The following NDUFAF5 variants were observed in gnomAD, a reference collection of about 807,000 sequenced individuals.
NDUFAF5 encodes the protein arginine-hydroxylase NDUFAF5, mitochondrial.
Under a neutral mutation model 48.9 loss-of-function variants are expected in NDUFAF5, and 34 were observed. That is an observed-to-expected ratio of 0.70 (90% CI 0.53 to 0.93). The LOEUF (loss-of-function observed/expected upper bound fraction) is 0.93. NDUFAF5 is among the 40% of genes least tolerant of loss of function. The pLI, the probability that NDUFAF5 is intolerant of heterozygous loss-of-function variation, is 0.00. For synonymous variants in NDUFAF5, 153 were observed against 150.6 expected (o/e 1.02, Z -0.12); for missense variants, 428 against 427.5 (o/e 1.00, Z -0.01).
In NDUFAF5 at chr20:13,785,050, A is replaced by T. The variant is rs762784815; in HGVS notation, c.-19A>T. On this transcript the variant is annotated 5_prime_UTR_variant, in exon 1 of 11. Transcript: ENST00000378106. Reference sequence around the variant, plus strand: ...CGCATGCGCACAAAAAGCGCCGGCAATTGGGGTCGCAGCTGGAGATGCTGC... The same window carrying T: ...CGCATGCGCACAAAAAGCGCCGGCATTTGGGGTCGCAGCTGGAGATGCTGC... The T allele has an allele frequency of 6.2e-7, 1 of 1,604,818 alleles. No homozygotes were observed.
Position 13,785,046 on chromosome 20 carries a change from G to A in NDUFAF5, c.-23G>A, listed in dbSNP as rs765019492. On this transcript the variant is annotated 5_prime_UTR_variant, in exon 1 of 11. Transcript: ENST00000378106. ...CTGGCGCATGCGCACAAAAAGCGCC[G>A]GCAATTGGGGTCGCAGCTGGAGATG... 5.6e-6 allele frequency: 9 copies of A among 1,601,160 alleles called. No individual in the cohort carries two copies. Among genetic ancestry groups the A allele is most frequent in the South Asian group, 5.6e-5 (5 of 89,958 alleles).
At chr20:13,795,603 G>A (rs1983077129) in intron 5 of NDUFAF5, among the ~76,000 whole-genome samples, 1 of 152,166 alleles carries the variant, frequency 6.6e-6, no homozygotes, top group African/African-American at 2.4e-5. Context: ...AGGACTGCTT[G>A]AACCCAGGAG....
intron 7 of NDUFAF5, among the ~76,000 whole-genome samples, chr20:13,807,880 C>T (rs924444681): frequency 2.6e-5 from 4 of 151,578 alleles, no homozygotes; most frequent in African/African-American, 9.7e-5. Context: ...GTTCAGGAGG[C>T]AGAGGCTGCA....
In NDUFAF5 at chr20:13,817,886, T is replaced by G. The variant is rs998659889; in HGVS notation, c.*676T>G. On this transcript the variant is annotated 3_prime_UTR_variant, in exon 11 of 11. Transcript: ENST00000378106. ...TCCTAATCCAAGTTCACAGTCCTGT[T>G]GTTGTCGAGGAGGGTTCAAAATCAT... 2.2e-6 allele frequency: 1 copy of G among 454,004 alleles called. No homozygotes were observed. The highest frequency in any genetic ancestry group is 4.4e-6 in the Non-Finnish European group (1 of 226,798). 28.1% of individuals were successfully genotyped at this position (454,004 alleles called of 1,614,324 possible). A position where few individuals can be genotyped will look rare whatever the true frequency, so the allele number is the denominator to read the frequency against.
At chr20:13,794,682 A>G (rs753155642) in intron 4 of NDUFAF5, among the ~76,000 whole-genome samples, 156 bp from the exon 5 acceptor site, 6 of 152,230 alleles carry the variant, frequency 3.9e-5, no homozygotes, top group Non-Finnish European at 7.3e-5. Context: ...CATTTAAGAA[A>G]TGCTTTTTGG....
rs117931649 is a variant in NDUFAF5, at chr20:13,805,823, C to T, written c.718-3019C>T. Among the ~76,000 whole-genome samples, 58 of 151,950 alleles carry T rather than the reference C, an allele frequency of 3.8e-4. No homozygotes were observed. The East Asian group carries it at 9.7e-3, about 25-fold the overall frequency. On this transcript the variant is annotated intron_variant, in intron 7 of 10. Transcript: ENST00000378106. ...GGGCCTGCCTGTAGTCCCAGCTACT[C>T]GGGAGGCTGAGTTGGAAGGATTGAG...
rs965127058 is a variant in NDUFAF5, at chr20:13,785,359, C to T, written c.222+69C>T. On this transcript the variant is annotated intron_variant, in intron 1 of 10. Coordinates refer to ENST00000378106, the MANE Select transcript of NDUFAF5 (RefSeq NM_024120.5). ...GGCTTGTTTTCCTCTCCGCTAGTTC[C>T]GGCTAGGCCCCGAGCTCACCCCACC... is the stretch of plus-strand genomic sequence containing the variant. 4.4e-6 allele frequency: 6 copies of T among 1,352,526 alleles called. 1 individual carries two copies. The highest frequency in any genetic ancestry group is 2.8e-5 in the African/African-American group (2 of 70,176). 83.8% of individuals were successfully genotyped at this position (1,352,526 alleles called of 1,614,324 possible).
At chr20:13,792,524 T>C (rs1056330371) in intron 3 of NDUFAF5, among the ~76,000 whole-genome samples, 19 of 152,150 alleles carry the variant, frequency 1.2e-4, no homozygotes, top group African/African-American at 4.3e-4. Flanking sequence ...AGTAGAGTTG[T>C]GGATTATAAA....
At chr20:13,809,539 TAAG>T (rs1172303368) in intron 8 of NDUFAF5, among the ~76,000 whole-genome samples, 3 of 151,762 alleles carry the variant, frequency 2.0e-5, no homozygotes, top group Non-Finnish European at 4.4e-5. Context: ...GTTCAGGGAG[TAAG>T]AAGGAGAGAG....
intron 7 of NDUFAF5, among the ~76,000 whole-genome samples, chr20:13,807,150 G>A (rs569236727): frequency 2.0e-4 from 30 of 152,002 alleles, no homozygotes; most frequent in African/African-American, 5.5e-4. Flanking sequence ...GGGTTCAAGC[G>A]ATTATGCTGC....
chr20:13,804,447 A>G (rs530790750), intron 7 of NDUFAF5, among the ~76,000 whole-genome samples: 1 of 151,648 alleles, frequency 6.6e-6, no homozygotes, highest in East Asian at 1.9e-4. Flanking sequence ...AACAAGGACT[A>G]CTTTATATAG....
intron 8 of NDUFAF5, 112 bp downstream of exon 8, chr20:13,809,014 A>G: frequency 1.3e-6 from 1 of 746,548 alleles, no homozygotes; most frequent in South Asian, 1.5e-5. Context: ...TTTGGCAGGC[A>G]CTGGGCAAAG....
In NDUFAF5 at chr20:13,817,412, G is replaced by C. The variant is rs1986608147; in HGVS notation, c.*202G>C. ...TCTGTTCTCATAAGGATACTGCTGA[G>C]TGTCTTTGCAGATTCAGCCTAAAAG... On this transcript the variant is annotated 3_prime_UTR_variant, in exon 11 of 11. Transcript: ENST00000378106. 1.5e-6 allele frequency: 1 copy of C among 681,752 alleles called. No homozygotes were observed. The highest frequency in any genetic ancestry group is 2.0e-5 in the Admixed American group (1 of 49,452). 42.2% of individuals were successfully genotyped at this position (681,752 alleles called of 1,614,324 possible).
chr20:13,818,218 C>A lies in NDUFAF5; in HGVS notation c.*1008C>A. ...GCCTGTACGTAGCACATGGGACTTT[C>A]CACATAGTAGATATTCAGTTACATT... On this transcript the variant is annotated 3_prime_UTR_variant, in exon 11 of 11. Transcript: ENST00000378106. The A allele has an allele frequency of 2.2e-6, 1 of 454,016 alleles. No homozygotes were observed. Among genetic ancestry groups the A allele is most frequent in the Middle Eastern group, 6.9e-4 (1 of 1,444 alleles). 28.1% of individuals were successfully genotyped at this position (454,016 alleles called of 1,614,324 possible). A position where few individuals can be genotyped will look rare whatever the true frequency, so the allele number is the denominator to read the frequency against.
chr20:13,809,632 G>T (rs1474280698), intron 8 of NDUFAF5, among the ~76,000 whole-genome samples: 1 of 152,190 alleles, frequency 6.6e-6, no homozygotes, highest in Non-Finnish European at 1.5e-5. Context: ...AAAATTGTTT[G>T]CCCTTATCTT....
intron 6 of NDUFAF5, among the ~76,000 whole-genome samples, chr20:13,799,499 G>A (rs1323751801): frequency 6.6e-6 from 1 of 152,030 alleles, no homozygotes; most frequent in African/African-American, 2.4e-5. Context: ...AGGAGTTCGA[G>A]ACCAGCCTGG....
At chr20:13,795,383 C>T (rs1983033699) in intron 5 of NDUFAF5, among the ~76,000 whole-genome samples, 2 of 151,940 alleles carry the variant, frequency 1.3e-5, no homozygotes, top group South Asian at 2.1e-4. Context: ...AGTTGAGGCA[C>T]TATATCATAT....
chr20:13,788,048 G>A lies in NDUFAF5; in HGVS notation c.264-541G>A, dbSNP rs1981510102. 2.0e-5 allele frequency among the ~76,000 whole-genome samples: 3 copies of A among 152,232 alleles called. No homozygotes were observed. The South Asian group carries it at 6.2e-4, about 32-fold the overall frequency. Reference sequence around the variant, plus strand: ...GTGTTGACTGCCCCTTGTTAGTTGAGGCACTTGGTTTGACTTACTTAGCTT... The same window carrying A: ...GTGTTGACTGCCCCTTGTTAGTTGAAGCACTTGGTTTGACTTACTTAGCTT... On this transcript the variant is annotated intron_variant, in intron 2 of 10. Coordinates refer to ENST00000378106, the MANE Select transcript of NDUFAF5 (RefSeq NM_024120.5).
chr20:13,813,944 G>A (rs904819863), intron 8 of NDUFAF5: 11 of 157,336 alleles, frequency 7.0e-5, no homozygotes, highest in Non-Finnish European at 1.1e-4. Context: ...GAAGAATTTT[G>A]CATAGAGGAG....
Sources: gnomAD v4.1 joint callset for allele counts (sites outside exome capture counted in the v4.1 genomes callset) on GRCh38, gnomAD v4.1.1 for gene constraint, MANE v1.5 for transcripts, NCBI Gene and HGNC (gene_info 2026-07-23, HGNC 2026-07-21) for gene names.